The following GBA2 variants were observed in gnomAD, a reference collection of about 807,000 sequenced individuals.
GBA2 encodes the protein non-lysosomal glucosylceramidase.
Under a neutral mutation model 112.9 loss-of-function variants are expected in GBA2, and 79 were observed. That is an observed-to-expected ratio of 0.70 (90% CI 0.58 to 0.84). The LOEUF (loss-of-function observed/expected upper bound fraction) is 0.84, where lower values mean the gene tolerates loss of function less well. GBA2 is among the 40% of genes least tolerant of loss of function. The pLI, the probability that GBA2 is intolerant of heterozygous loss-of-function variation, is 0.00. For missense variants in GBA2, 1,043 were observed against 1,190.0 expected (o/e 0.88, Z 1.82); for synonymous variants, 403 against 434.3 (o/e 0.93, Z 0.90).
At position 35,741,452 on chromosome 9, in the gene GBA2, G is replaced by T; in HGVS notation, c.786+220C>A. On this transcript the variant is annotated intron_variant, in intron 4 of 16. Transcript: ENST00000378103. The surrounding 1 kb of genome is among the most constrained non-coding windows in gnomAD (Gnocchi z 4.6). ...TGGGACTACAGGTGCCTGCCACAAC[G>T]CCCAGCTAATTTTTTTTTTTGTATT... 1 of 550,770 alleles carries T rather than the reference G, an allele frequency of 1.8e-6. No homozygotes were observed. Among genetic ancestry groups the T allele is most frequent in the Non-Finnish European group, 3.3e-6 (1 of 306,832 alleles). The allele number at this position is 550,770 out of a possible 1,614,324, so 34.1% of individuals were successfully genotyped here.
Position 35,740,586 on chromosome 9 carries a change from T to C in GBA2, c.1069A>G (p.Ser357Gly). The change falls in exon 6 of 17, where the codon AGC becomes GGC. Residue 357 changes from serine to glycine, a missense_variant. Physicochemically the swap from Ser to Gly is moderately conservative, Grantham distance 56 (BLOSUM62 0). Transcript: ENST00000378103. This position sits in a 1 kb window ranked among gnomAD's most constrained non-coding sequence, Gnocchi z 4.7. The part of the protein sequence containing the change: ...VTHITAFDPD[S>G]TGQQVWQDLL... Reference sequence around the variant, plus strand: ...TCCTGCCACACCTGCTGCCCCGTGCTGTCAGGGTCAAAGGCTGTGATGTGG... The same window carrying C: ...TCCTGCCACACCTGCTGCCCCGTGCCGTCAGGGTCAAAGGCTGTGATGTGG... 6.2e-7 allele frequency: 1 copy of C among 1,614,100 alleles called. No individual in the cohort carries two copies. The highest frequency in any genetic ancestry group is 2.2e-5 in the East Asian group (1 of 44,886).
rs1042549418 is a variant in GBA2 at position 35,741,325 on chromosome 9, CTT to C, written c.787-263_787-262del. ...CTCCCTTTCACAGGCCATGCAGTTT[CTT>C]TTTTTTTTTTTTTGGGGGGTGCGGT... On this transcript the variant is annotated intron_variant, in intron 4 of 16. Transcript: ENST00000378103. This position sits in a 1 kb window ranked among gnomAD's most constrained non-coding sequence, Gnocchi z 4.6. The C allele has an allele frequency of 0.023, 9,046 of 397,638 alleles. No individual in the cohort carries two copies. Among genetic ancestry groups the C allele is most frequent in the Middle Eastern group, 0.034 (48 of 1,404 alleles). The allele number at this position is 397,638 out of a possible 1,614,324, so 24.6% of individuals were successfully genotyped here.
intron 1 of GBA2, 22 bp downstream of exon 1, chr9:35,748,324 C>A: frequency 7.0e-7 from 1 of 1,428,078 alleles, no homozygotes; most frequent in Non-Finnish European, 9.7e-7. Context: ...CAAAGGCATT[C>A]TAGGCAATGG....
In GBA2 at chr9:35,740,950, C is replaced by A. The variant is rs756408401; in HGVS notation, c.901G>T (p.Ala301Ser). ...GGCTCATTCCACAAACCCCCTGGGG[C>A]ATCGTCTCCACCACCCAGTCCATTC... ...MRNGLGGGDD[A>S]PGGLWNEPFC... Residue 301 changes from alanine (A) to serine (S), a missense_variant, in exon 5 of 17, where the codon GCC (alanine) becomes TCC (serine). Coordinates refer to ENST00000378103, the MANE Select transcript of GBA2 (RefSeq NM_020944.3). This position sits in a 1 kb window ranked among gnomAD's most constrained non-coding sequence, Gnocchi z 4.7. 3 of 1,614,188 alleles carry A rather than the reference C, an allele frequency of 1.9e-6. No individual in the cohort carries two copies. The East Asian group carries it at 6.7e-5, about 36-fold the overall frequency.
Position 35,741,638 on chromosome 9 carries a change from A to G in GBA2, c.786+34T>C. ...AGCAGAGGCAGGTCCTGGGGAAGGG[A>G]GGGCAATGGAAGATACAGATGTGGG... On this transcript the variant is annotated intron_variant, in intron 4 of 16. Coordinates refer to ENST00000378103, the MANE Select transcript of GBA2 (RefSeq NM_020944.3). The surrounding 1 kb of genome is among the most constrained non-coding windows in gnomAD (Gnocchi z 4.6). The G allele has an allele frequency of 7.4e-7, 1 of 1,344,850 alleles. No homozygotes were observed. Among genetic ancestry groups the G allele is most frequent in the Non-Finnish European group, 1.1e-6 (1 of 934,480 alleles). 83.3% of individuals were successfully genotyped at this position (1,344,850 alleles called of 1,614,324 possible).
At position 35,737,356 on chromosome 9, in the gene GBA2, T is replaced by A. The variant is rs369511568; in HGVS notation, c.2597A>T (p.Tyr866Phe). 6.2e-7 allele frequency: 1 copy of A among 1,614,164 alleles called. No homozygotes were observed. Among genetic ancestry groups the A allele is most frequent in the Non-Finnish European group, 8.5e-7 (1 of 1,180,038 alleles). The stretch of plus-strand genomic sequence containing the variant: ...TGAGCGGAACACTCGCTGCTGGCAG[T>A]ATGCCTCTGGGGTCTGGAAGGCCAG... Reference protein sequence around the residue: ...LGLAFQTPEAYCQQRVFRSLA... With the variant: ...LGLAFQTPEAFCQQRVFRSLA... The change falls in exon 17 of 17, where the codon TAC becomes TTC. Residue 866 changes from tyrosine (Y) to phenylalanine (F), a missense_variant. Tyr to Phe is a conservative substitution (Grantham distance 22). Coordinates refer to ENST00000378103, the MANE Select transcript of GBA2 (RefSeq NM_020944.3). This position sits in a 1 kb window ranked among gnomAD's most constrained non-coding sequence, Gnocchi z 4.1.
intron 1 of GBA2, among the ~76,000 whole-genome samples, chr9:35,748,128 C>T (rs1221900454): frequency 6.6e-6 from 1 of 152,224 alleles, no homozygotes; most frequent in Non-Finnish European, 1.5e-5. Flanking sequence ...CTACCCTTTC[C>T]TTCTGAAAAG....
Position 35,739,430 on chromosome 9 carries a change from G to A in GBA2, c.1583-11C>T. The A allele has an allele frequency of 1.3e-6, 2 of 1,564,326 alleles. No homozygotes were observed. The highest frequency in any genetic ancestry group is 1.8e-6 in the Non-Finnish European group (2 of 1,134,696). ...TGCGGTACTCCTGGCCTGGAGGAAT[G>A]AATGAGACACACTGTTGCCAGAATT... On this transcript the variant is annotated splice_polypyrimidine_tract_variant and intron_variant, in intron 9 of 16. Coordinates refer to ENST00000378103, the MANE Select transcript of GBA2 (RefSeq NM_020944.3).
chr9:35,737,117 G>T lies in GBA2; in HGVS notation c.*52C>A. On this transcript the variant is annotated 3_prime_UTR_variant, in exon 17 of 17. Transcript: ENST00000378103. The surrounding 1 kb of genome is among the most constrained non-coding windows in gnomAD (Gnocchi z 4.1). ...GGAGGTTCAGAGGGGAAGGAGGAAA[G>T]GCCAGGCTGGAGGCTGGGCTGTTAG... is the stretch of plus-strand genomic sequence containing the variant. 1.3e-6 allele frequency: 2 copies of T among 1,567,712 alleles called. No homozygotes were observed. Among genetic ancestry groups the T allele is most frequent in the South Asian group, 1.2e-5 (1 of 85,512 alleles).
chr9:35,738,980 T>A (rs1365239822), intron 11 of GBA2, 22 bp downstream of exon 11: 2 of 1,607,702 alleles, frequency 1.2e-6, no homozygotes, highest in Non-Finnish European at 8.5e-7. Context: ...GGAGGGAAGC[T>A]GACCTTGGGG....
Position 35,741,771 on chromosome 9 carries a change from A to G in GBA2, c.687T>C (p.His229=). ...WGLCGYFAFY[H]ALYPRAWTVY... ...CAGTCCAGGCTCGGGGATAGAGGGC[A>G]TGGTAGAAAGCAAAGTACCCACACA... Residue 229 remains histidine, a synonymous_variant, in exon 4 of 17, where the codon CAT becomes CAC. Coordinates refer to ENST00000378103, the MANE Select transcript of GBA2 (RefSeq NM_020944.3). The surrounding 1 kb of genome is among the most constrained non-coding windows in gnomAD (Gnocchi z 4.6). 3 of 1,613,944 alleles carry G rather than the reference A, an allele frequency of 1.9e-6. No individual in the cohort carries two copies. The highest frequency in any genetic ancestry group is 2.5e-6 in the Non-Finnish European group (3 of 1,179,860).
chr9:35,744,223 T>C, intron 3 of GBA2, 74 bp downstream of exon 3: 2 of 824,214 alleles, frequency 2.4e-6, no homozygotes, highest in Non-Finnish European at 4.2e-6. Context: ...TGCTACCTTC[T>C]ACACTAGCCA....
chr9:35,742,394 C>T lies in GBA2; in HGVS notation c.568-504G>A, dbSNP rs116389051. ...CTTGAGCACACTACATTCTCTCCTC[C>T]ATGCCTGTGCTCATGCTTGTTCGCT... On this transcript the variant is annotated intron_variant, in intron 3 of 16. Coordinates refer to ENST00000378103, the MANE Select transcript of GBA2 (RefSeq NM_020944.3). 5.6e-3 allele frequency among the ~76,000 whole-genome samples: 847 copies of T among 152,296 alleles called. 7 individuals are homozygous for T. Among genetic ancestry groups the T allele is most frequent in the African/African-American group, 0.019 (785 of 41,546 alleles).
chr9:35,746,506 G>A lies in GBA2; in HGVS notation c.360-1800C>T, dbSNP rs540306106. Among the ~76,000 whole-genome samples the A allele has an allele frequency of 2.3e-4, 35 of 152,110 alleles. No homozygotes were observed. The highest frequency in any genetic ancestry group is 4.4e-4 in the Non-Finnish European group (30 of 68,022). ...CTCAGGAGGCTGAGGCAGGAGAATC[G>A]CTTGAACCCAGGAGACGGAGGTTGC... On this transcript the variant is annotated intron_variant, in intron 1 of 16. Coordinates refer to ENST00000378103, the MANE Select transcript of GBA2 (RefSeq NM_020944.3). This position sits in a 1 kb window ranked among gnomAD's most constrained non-coding sequence, Gnocchi z 5.2.
rs1213735533 is a variant in GBA2, at chr9:35,746,933, T to C, written c.359+1413A>G. On this transcript the variant is annotated intron_variant, in intron 1 of 16. Transcript: ENST00000378103. This position sits in a 1 kb window ranked among gnomAD's most constrained non-coding sequence, Gnocchi z 5.2. ...CGAAGGTAAGACCCAGAGAATTCTG[T>C]CTTGCTAGAGCTCCTGGTCAGAGTG... is the stretch of plus-strand genomic sequence containing the variant. Among the ~76,000 whole-genome samples the C allele has an allele frequency of 1.3e-5, 2 of 152,196 alleles. No homozygotes were observed. Among genetic ancestry groups the C allele is most frequent in the African/African-American group, 4.8e-5 (2 of 41,454 alleles).
In GBA2 at chr9:35,737,321, T is replaced by C. The variant is rs1439484283; in HGVS notation, c.2632A>G (p.Met878Val). ...ATGGCCCATATGCTCAGTGGCCGCATGTAGGCCAGTGAGCGGAACACTCGC... is the reference window on the plus strand; with the variant it reads ...ATGGCCCATATGCTCAGTGGCCGCACGTAGGCCAGTGAGCGGAACACTCGC... ...QQRVFRSLAY[M>V]RPLSIWAMQL... is the part of the protein sequence containing the mutation. The change falls in exon 17 of 17, where the codon ATG (methionine) becomes GTG (valine). Residue 878 changes from methionine to valine, a missense_variant. Physicochemically the swap from Met to Val is conservative, Grantham distance 21 (BLOSUM62 1). Transcript: ENST00000378103. This position sits in a 1 kb window ranked among gnomAD's most constrained non-coding sequence, Gnocchi z 4.1. 3.1e-6 allele frequency: 5 copies of C among 1,614,096 alleles called. No homozygotes were observed. The highest frequency in any genetic ancestry group is 1.1e-5 in the South Asian group (1 of 91,084).
Position 35,744,640 on chromosome 9 carries a change from A to C in GBA2, c.426T>G (p.Asn142Lys). The change falls in exon 2 of 17, where the codon AAT becomes AAG. Residue 142 changes from asparagine to lysine, a missense_variant. By Grantham distance (94) the Asn-to-Lys change is moderately conservative (BLOSUM62 0). Coordinates refer to ENST00000378103, the MANE Select transcript of GBA2 (RefSeq NM_020944.3). The part of the protein sequence containing the change: ...EKKTPFIDMI[N>K]SVPLRQIYGC... ...CATAAATCTGTCTTAGGGGTACAGAATTGATCATGTCGATGAAAGGTGTCT... is the reference window on the plus strand; with the variant it reads ...CATAAATCTGTCTTAGGGGTACAGACTTGATCATGTCGATGAAAGGTGTCT... 6.2e-7 allele frequency: 1 copy of C among 1,607,572 alleles called. No homozygotes were observed. Among genetic ancestry groups the C allele is most frequent in the Non-Finnish European group, 8.5e-7 (1 of 1,174,002 alleles).
At position 35,740,539 on chromosome 9, in the gene GBA2, C is replaced by A. The variant is rs1306850360; in HGVS notation, c.1116G>T (p.Leu372=). 1 of 1,611,704 alleles carries A rather than the reference C, an allele frequency of 6.2e-7. No homozygotes were observed. Among genetic ancestry groups the A allele is most frequent in the Admixed American group, 1.7e-5 (1 of 60,004 alleles). ...ACCCCCCATCACCAGTGGGAGAGTC[C>A]AGCTGTCCATCCTGAAGTAGATCCT... ...VWQDLLQDGQ[L]DSPTGQSTPT... is the part of the protein sequence containing the mutation. Residue 372 remains leucine, a synonymous_variant, in exon 6 of 17, where the codon CTG becomes CTT. Transcript: ENST00000378103. The surrounding 1 kb of genome is among the most constrained non-coding windows in gnomAD (Gnocchi z 4.7).
At position 35,741,499 on chromosome 9, in the gene GBA2, C is replaced by A. The variant is rs1254967065; in HGVS notation, c.786+173G>T. Reference sequence around the variant, plus strand: ...TATTTTTAGTAGATATGGGGTTTCACGTGTTAGCCAGGATGGTCTCGATCT... The same window carrying A: ...TATTTTTAGTAGATATGGGGTTTCAAGTGTTAGCCAGGATGGTCTCGATCT... On this transcript the variant is annotated intron_variant, in intron 4 of 16. Transcript: ENST00000378103. The surrounding 1 kb of genome is among the most constrained non-coding windows in gnomAD (Gnocchi z 4.6). 2 of 629,916 alleles carry A rather than the reference C, an allele frequency of 3.2e-6. No individual in the cohort carries two copies. The highest frequency in any genetic ancestry group is 5.7e-6 in the Non-Finnish European group (2 of 348,976). 39.0% of individuals were successfully genotyped at this position (629,916 alleles called of 1,614,324 possible).
Sources: gnomAD v4.1 joint callset for allele counts (sites outside exome capture counted in the v4.1 genomes callset) on GRCh38, gnomAD v4.1.1 for gene constraint, Gnocchi (gnomAD v3.1) non-coding constraint, MANE v1.5 for transcripts, NCBI Gene and HGNC (gene_info 2026-07-23, HGNC 2026-07-21) for gene names.